The following PRKD3 variants were observed in gnomAD, a reference collection of about 807,000 sequenced individuals.
PRKD3 encodes the protein serine/threonine-protein kinase D3.
A neutral mutation model predicts 99.2 loss-of-function variants in PRKD3; 47 were observed. The ratio of observed to expected loss-of-function variants is 0.47; its 90% CI spans 0.38 to 0.60. The LOEUF (loss-of-function observed/expected upper bound fraction) is 0.60. Among genes scored for constraint, PRKD3 ranks in the 20% least tolerant of loss-of-function variants. The pLI, the probability that PRKD3 is intolerant of heterozygous loss-of-function variation, is 0.00. For missense variants in PRKD3, 1,019 were observed against 1,088.4 expected, an observed-to-expected ratio of 0.94 and a Z score of 0.90; for synonymous variants, 392 against 355.4, an observed-to-expected ratio of 1.10 and a Z score of -1.16.
At chr2:37,280,572 A>G (rs984299495) in intron 7 of PRKD3, among the ~76,000 whole-genome samples, 1 of 152,202 alleles carries the variant, frequency 6.6e-6, no homozygotes, top group Non-Finnish European at 1.5e-5. Context: ...CTGTATATCT[A>G]CATGCAAAAG....
chr2:37,253,409 TTTTTG>T (rs1044041424), intron 18 of PRKD3, 59 bp from the exon 19 acceptor site: 392 of 1,467,672 alleles, frequency 2.7e-4, no homozygotes, highest in Non-Finnish European at 3.2e-4. Flanking sequence ...GTCAACCTGG[TTTTTG>T]TTTTGTGTTT....
chr2:37,285,466 T>G (rs191407032), intron 6 of PRKD3, among the ~76,000 whole-genome samples: 138 of 152,290 alleles, frequency 9.1e-4, no homozygotes, highest in Non-Finnish European at 1.5e-3. Context: ...TCCTACCTAT[T>G]TCAGGGTGAT....
At chr2:37,312,495 T>C (rs966566807) in intron 2 of PRKD3, among the ~76,000 whole-genome samples, 1 of 152,238 alleles carries the variant, frequency 6.6e-6, no homozygotes, top group African/African-American at 2.4e-5. Context: ...TCTGCCTTCT[T>C]GTTCCAGCTC....
At chr2:37,265,143 T>TTGGG (rs144698912) in intron 14 of PRKD3, among the ~76,000 whole-genome samples, 14,261 of 151,842 alleles carry the variant, frequency 0.094, 2,253 homozygotes, top group African/African-American at 0.32. Context: ...CCTTTCAGGT[T>TTGGG]TGGGTGATGA....
chr2:37,296,899 CAAAAAAA>C (rs748730644), intron 2 of PRKD3, among the ~76,000 whole-genome samples: 17 of 48,130 alleles, frequency 3.5e-4, no homozygotes, highest in Non-Finnish European at 5.2e-4. Context: ...GACTCTGTCT[CAAAAAAA>C]AAAAAAAAAA....
At chr2:37,257,295 G>A (rs1023598499) in intron 16 of PRKD3, among the ~76,000 whole-genome samples, 3 of 152,068 alleles carry the variant, frequency 2.0e-5, no homozygotes, top group African/African-American at 7.2e-5. Flanking sequence ...AGCAGGAATT[G>A]TTTCATTTCT....
chr2:37,260,283 C>A lies in PRKD3; in HGVS notation c.1986G>T (p.Met662Ile). Residue 662 changes from methionine (M) to isoleucine (I), a missense_variant, in exon 15 of 19, where the codon ATG becomes ATT. Around this residue, in one of 3 missense-constraint regions of PRKD3, gnomAD observed 184 missense variants for 275.1 expected, o/e 0.67. Coordinates refer to ENST00000234179, the MANE Select transcript of PRKD3 (RefSeq NM_005813.6). ...MEKLHGDMLE[M>I]ILSSEKSRLP... is the part of the protein sequence containing the mutation. Reference sequence around the variant, plus strand: ...GCCGACTTTTCTCACTGGATAGAATCATTTCCAACATATCTCCATGCAGCT... The same window carrying A: ...GCCGACTTTTCTCACTGGATAGAATAATTTCCAACATATCTCCATGCAGCT... The A allele has an allele frequency of 6.2e-7, 1 of 1,610,274 alleles. No individual in the cohort carries two copies. The highest frequency in any genetic ancestry group is 8.5e-7 in the Non-Finnish European group (1 of 1,176,736).
At chr2:37,315,095 C>A (rs1671600797) in intron 2 of PRKD3, among the ~76,000 whole-genome samples, 1 of 151,920 alleles carries the variant, frequency 6.6e-6, no homozygotes, top group African/African-American at 2.4e-5. Context: ...GCATGAATTC[C>A]CAGAGAGAGA....
In PRKD3 at chr2:37,259,682, C is replaced by G; in HGVS notation, c.2047-1G>C. On this transcript the variant is annotated splice_acceptor_variant, in intron 15 of 18. Coordinates refer to ENST00000234179, the MANE Select transcript of PRKD3 (RefSeq NM_005813.6). LOFTEE classifies it high-confidence loss of function. ...GCAGATTCCTCAAAGCAACAAGTAT[C>G]TGTTATGAAAAAAGATTTTCTTTTC... 2 of 1,601,014 alleles carry G rather than the reference C, an allele frequency of 1.2e-6. No individual in the cohort carries two copies. Among genetic ancestry groups the G allele is most frequent in the Admixed American group, 1.7e-5 (1 of 59,322 alleles).
At chr2:37,310,302 T>C (rs1205593455) in intron 2 of PRKD3, among the ~76,000 whole-genome samples, 1 of 152,232 alleles carries the variant, frequency 6.6e-6, no homozygotes, top group African/African-American at 2.4e-5. Context: ...TAATATTGAT[T>C]AGCTAGCATA....
At chr2:37,278,337 C>G (rs1160860842) in intron 8 of PRKD3, 1 of 162,918 alleles carries the variant, frequency 6.1e-6, no homozygotes, top group Non-Finnish European at 1.3e-5. Context: ...TTTTCCTGCC[C>G]TAGGCAGCAT....
chr2:37,259,496 A>G, intron 16 of PRKD3, 87 bp downstream of exon 16: 1 of 969,910 alleles, frequency 1.0e-6, no homozygotes, highest in East Asian at 2.6e-5. Flanking sequence ...ATTTTTAACC[A>G]ACAGTACTTA....
chr2:37,257,572 A>G (rs11685805), intron 16 of PRKD3, among the ~76,000 whole-genome samples: 51,643 of 150,042 alleles, frequency 0.34, 9,615 homozygotes, highest in East Asian at 0.45. Context: ...AGGCTGAAGC[A>G]GGAGAATGGC....
At chr2:37,284,575 T>C (rs1669999756) in intron 6 of PRKD3, among the ~76,000 whole-genome samples, 3 of 152,206 alleles carry the variant, frequency 2.0e-5, no homozygotes, top group African/African-American at 7.2e-5. Context: ...CCAAAACATT[T>C]CTCAGTGGCT....
At chr2:37,304,501 G>A (rs940640407) in intron 2 of PRKD3, among the ~76,000 whole-genome samples, 1 of 152,134 alleles carries the variant, frequency 6.6e-6, no homozygotes, top group Non-Finnish European at 1.5e-5. Context: ...AGCACTTTGG[G>A]AGGCTGAGGC....
chr2:37,259,783 C>CA, intron 15 of PRKD3, 102 bp from the exon 16 acceptor site: 2 of 764,250 alleles, frequency 2.6e-6, no homozygotes, highest in Non-Finnish European at 4.3e-6. Flanking sequence ...TATAGTTCAT[C>CA]AAGACTTAGC....
chr2:37,268,781 C>T (rs543917269), intron 13 of PRKD3: 1 of 154,644 alleles, frequency 6.5e-6, no homozygotes, highest in Non-Finnish European at 1.4e-5. Flanking sequence ...AAAGAGGAAG[C>T]TGCAATTAGA....
chr2:37,286,950 G>C (rs1026682946), intron 5 of PRKD3, among the ~76,000 whole-genome samples: 1 of 151,998 alleles, frequency 6.6e-6, no homozygotes, highest in Non-Finnish European at 1.5e-5. Flanking sequence ...TGGTCTTCTG[G>C]CCAGGCGTGG....
chr2:37,253,319 A>G lies in PRKD3; in HGVS notation c.2531T>C (p.Phe844Ser), dbSNP rs1371028419. The G allele has an allele frequency of 5.0e-6, 8 of 1,612,820 alleles. No homozygotes were observed. The highest frequency in any genetic ancestry group is 6.8e-6 in the Non-Finnish European group (8 of 1,179,264). ...GTAACGTTCTCCAATGCGAGTTTCA[A>G]ATTCTCTAAGGTCAAGCCAAGTCTG... ...DYQTWLDLRE[F>S]ETRIGERYIT... The change falls in exon 19 of 19, where the codon TTT (phenylalanine) becomes TCT (serine). Residue 844 changes from phenylalanine to serine, a missense_variant. By Grantham distance (155) the Phe-to-Ser change is radical. Around this residue, in one of 3 missense-constraint regions of PRKD3, gnomAD observed 125 missense variants for 120.6 expected, o/e 1.04. Transcript: ENST00000234179.
Sources: gnomAD v4.1 joint callset for allele counts (sites outside exome capture counted in the v4.1 genomes callset) on GRCh38, gnomAD v4.1.1 for gene constraint, gnomAD v4.1.1 regional missense constraint, MANE v1.5 for transcripts, NCBI Gene and HGNC (gene_info 2026-07-23, HGNC 2026-07-21) for gene names.